The following KHDRBS2 variants were observed in gnomAD, a reference collection of about 807,000 sequenced individuals.
KHDRBS2 encodes KH domain-containing, RNA-binding, signal transduction-associated protein 2.
KHDRBS2 carries 26 observed loss-of-function variants against 44.3 expected under a neutral mutation model. The ratio of observed to expected loss-of-function variants is 0.59; its 90% CI spans 0.43 to 0.81. KHDRBS2 has a LOEUF of 0.81. Ranked by LOEUF, KHDRBS2 falls within the 40% of genes least tolerant of loss-of-function variation. The pLI is 0.00. For synonymous variants in KHDRBS2, 194 were observed against 151.1 expected, an observed-to-expected ratio of 1.28 and a Z score of -2.08; for missense variants, 476 against 433.1, an observed-to-expected ratio of 1.10 and a Z score of -0.88.
the KHDRBS2 span, among the ~76,000 whole-genome samples, chr6:61,609,892 G>T: frequency 6.6e-6 from 1 of 152,186 alleles, no homozygotes; most frequent in Non-Finnish European, 1.5e-5. Context: ...TTTGAAAACA[G>T]GCTGGGTGCG....
intron 2 of KHDRBS2, among the ~76,000 whole-genome samples, chr6:62,068,658 G>T (rs929452258): frequency 6.6e-6 from 1 of 151,504 alleles, no homozygotes; most frequent in Non-Finnish European, 1.5e-5. Flanking sequence ...GATCCATTTT[G>T]AGTTAGTTTT....
At chr6:62,013,560 A>G (rs1436360931) in intron 3 of KHDRBS2, among the ~76,000 whole-genome samples, 1 of 152,124 alleles carries the variant, frequency 6.6e-6, no homozygotes, top group Non-Finnish European at 1.5e-5. Flanking sequence ...GTAAAATCAT[A>G]GCAAAATCAA....
intron 4 of KHDRBS2, among the ~76,000 whole-genome samples, chr6:61,939,593 A>T (rs1210599522): frequency 2.0e-5 from 3 of 152,334 alleles, no homozygotes; most frequent in Non-Finnish European, 1.5e-5. Context: ...AAATTTGGAA[A>T]TTAAGGAACT....
intron 6 of KHDRBS2, among the ~76,000 whole-genome samples, chr6:61,813,564 C>A (rs905801305): frequency 6.6e-6 from 1 of 152,018 alleles, no homozygotes; most frequent in African/African-American, 2.4e-5. Context: ...GAAGAGTATG[C>A]GTTTAGATAG....
At chr6:61,985,542 T>G (rs765771799) in intron 3 of KHDRBS2, among the ~76,000 whole-genome samples, 2 of 152,094 alleles carry the variant, frequency 1.3e-5, no homozygotes, top group Admixed American at 1.3e-4. Context: ...TTTCAAATGT[T>G]GTTATAGGGA....
At chr6:61,707,284 T>C (rs1156495762) in intron 7 of KHDRBS2, among the ~76,000 whole-genome samples, 2 of 151,800 alleles carry the variant, frequency 1.3e-5, no homozygotes, top group Non-Finnish European at 2.9e-5. Context: ...CTACTCCATG[T>C]CCACCCCTAA....
chr6:62,014,798 A>G (rs958584290), intron 3 of KHDRBS2, among the ~76,000 whole-genome samples: 1 of 152,126 alleles, frequency 6.6e-6, no homozygotes, highest in African/African-American at 2.4e-5. Flanking sequence ...TTTTCATGGG[A>G]ATGTTACTAT....
the KHDRBS2 span, among the ~76,000 whole-genome samples, chr6:61,612,760 T>A: frequency 1.7e-4 from 26 of 151,656 alleles, 1 homozygote; most frequent in African/African-American, 5.8e-4. Flanking sequence ...AGCATTTTTA[T>A]GGACCTAAAT....
At chr6:62,089,736 G>A (rs1301486146) in intron 2 of KHDRBS2, among the ~76,000 whole-genome samples, 3 of 152,040 alleles carry the variant, frequency 2.0e-5, no homozygotes, top group Non-Finnish European at 1.5e-5. Context: ...CAAATTTTCT[G>A]TCTTATAATT....
intron 1 of KHDRBS2, among the ~76,000 whole-genome samples, chr6:62,198,984 A>C (rs1826302808): frequency 6.6e-6 from 1 of 152,140 alleles, no homozygotes; most frequent in Non-Finnish European, 1.5e-5. Context: ...CAAAGACAAA[A>C]ACCACATGAT....
intron 6 of KHDRBS2, among the ~76,000 whole-genome samples, chr6:61,763,412 A>G (rs1779555563): frequency 6.6e-6 from 1 of 152,214 alleles, no homozygotes; most frequent in Non-Finnish European, 1.5e-5. Context: ...ATTGTGAAGA[A>G]TTTGGAACAT....
chr6:62,233,268 C>T (rs1166157946), intron 1 of KHDRBS2, among the ~76,000 whole-genome samples: 1 of 151,200 alleles, frequency 6.6e-6, no homozygotes, highest in East Asian at 1.9e-4. Context: ...TTCTCCTCCA[C>T]CCCACACCAT....
At chr6:61,940,890 T>C (rs1812002040) in intron 4 of KHDRBS2, among the ~76,000 whole-genome samples, 1 of 152,178 alleles carries the variant, frequency 6.6e-6, no homozygotes, top group African/African-American at 2.4e-5. Flanking sequence ...CTGCCAGGGC[T>C]GAGTCGTGAG....
intron 4 of KHDRBS2, among the ~76,000 whole-genome samples, chr6:61,964,676 T>C (rs1291539306): frequency 3.3e-5 from 5 of 152,122 alleles, no homozygotes; most frequent in Non-Finnish European, 5.9e-5. Context: ...GATTTACAGA[T>C]ACTGAGTTAT....
At chr6:61,799,199 C>T (rs1229324812) in intron 6 of KHDRBS2, among the ~76,000 whole-genome samples, 1 of 151,904 alleles carries the variant, frequency 6.6e-6, no homozygotes, top group African/African-American at 2.4e-5. Context: ...ATTAAATAGG[C>T]AGTCAGAGAT....
intron 1 of KHDRBS2, among the ~76,000 whole-genome samples, chr6:62,277,487 G>A (rs1174095001): frequency 2.6e-5 from 4 of 151,846 alleles, no homozygotes; most frequent in Admixed American, 2.0e-4. Flanking sequence ...GACTACAGGC[G>A]CCCGCCACCA....
chr6:62,145,402 T>G (rs1176570376), intron 2 of KHDRBS2, among the ~76,000 whole-genome samples: 1 of 151,854 alleles, frequency 6.6e-6, no homozygotes, highest in Non-Finnish European at 1.5e-5. Flanking sequence ...TTAATGCATT[T>G]CTAATAATTT....
the KHDRBS2 span, among the ~76,000 whole-genome samples, chr6:61,592,675 A>AT: frequency 2.0e-5 from 3 of 152,098 alleles, no homozygotes; most frequent in East Asian, 1.9e-4. Flanking sequence ...AGGGTGAAAT[A>AT]TTTTTGTTTT....
rs1778067773 is a variant in KHDRBS2, at chr6:61,753,605, T to C, written c.811-20841A>G. Among the ~76,000 whole-genome samples the C allele has an allele frequency of 2.6e-5, 4 of 152,100 alleles. No homozygotes were observed. The South Asian group carries it at 8.3e-4, about 32-fold the overall frequency. ...AGTGTTCGAATTTTTATTTTCCTCC[T>C]TGGGGCTATATGGAAAAGGAAGAAA... is the stretch of plus-strand genomic sequence containing the variant. On this transcript the variant is annotated intron_variant, in intron 6 of 8. Coordinates refer to ENST00000281156, the MANE Select transcript of KHDRBS2 (RefSeq NM_152688.4).
Sources: gnomAD v4.1 joint callset for allele counts (sites outside exome capture counted in the v4.1 genomes callset) on GRCh38, gnomAD v4.1.1 for gene constraint, MANE v1.5 for transcripts, NCBI Gene and HGNC (gene_info 2026-07-23, HGNC 2026-07-21) for gene names.